C2orf78: variants seen among roughly 807,000 people sequenced by gnomAD.
C2orf78 encodes chromosome 2 open reading frame 78.
A neutral mutation model predicts 21.4 loss-of-function variants in C2orf78; 12 were observed. That is an observed-to-expected ratio of 0.56 (90% CI 0.36 to 0.91). C2orf78 has a LOEUF of 0.91. Among genes scored for constraint, C2orf78 ranks in the 40% least tolerant of loss-of-function variants. C2orf78 has a pLI of 0.01. For synonymous variants in C2orf78, 396 were observed against 413.9 expected, an observed-to-expected ratio of 0.96 and a Z score of 0.52; for missense variants, 1,042 against 1,092.4, an observed-to-expected ratio of 0.95 and a Z score of 0.65.
chr2:73,808,099 A>G (rs1244430297), intron 1 of C2orf78, among the ~76,000 whole-genome samples: 2 of 150,864 alleles, frequency 1.3e-5, no homozygotes, highest in Non-Finnish European at 2.9e-5. Flanking sequence ...CTAAAAATAC[A>G]AAAAATTAGC....
chr2:73,810,268 C>T (rs1323419691), intron 1 of C2orf78, among the ~76,000 whole-genome samples: 2 of 151,902 alleles, frequency 1.3e-5, no homozygotes, highest in African/African-American at 2.4e-5. Flanking sequence ...GGATGGCTCA[C>T]ACCTGTAATC....
At chr2:73,811,503 C>T (rs1673088562) in intron 1 of C2orf78, among the ~76,000 whole-genome samples, 1 of 152,068 alleles carries the variant, frequency 6.6e-6, no homozygotes, top group Non-Finnish European at 1.5e-5. Context: ...AAAGTAGATT[C>T]CAAGTAAAAG....
rs1427520842 is a variant in C2orf78 at position 73,784,511 on chromosome 2, G to T, written c.97+105G>T. The T allele has an allele frequency of 2.4e-3, 1,381 of 566,422 alleles. 7 individuals carry two copies. The highest frequency in any genetic ancestry group is 3.1e-3 in the Non-Finnish European group (1,001 of 324,770). The allele number at this position is 566,422 out of a possible 1,614,324, so 35.1% of individuals were successfully genotyped here. A position where few individuals can be genotyped will look rare whatever the true frequency, so the allele number is the denominator to read the frequency against. On this transcript the variant is annotated intron_variant, in intron 1 of 2. Transcript: ENST00000409561. ...CAAACAGCTTGGAATAACAGGGAAA[G>T]TATTGAAGTAGAAATCCAGAGACCT...
rs61015788 is a variant in C2orf78, at chr2:73,815,999, A to C, written c.1776A>C (p.Lys592Asn). The C allele has an allele frequency of 6.8e-3, 10,929 of 1,613,984 alleles. 518 individuals carry two copies. The African/African-American group carries it at 0.11, about 17-fold the overall frequency. The change falls in exon 3 of 3, where the codon AAA becomes AAC. Residue 592 changes from lysine (K) to asparagine (N), a missense_variant. Lys to Asn is a moderately conservative substitution (Grantham distance 94). Transcript: ENST00000409561. ...CTGAAGAGAGTAAGCAGTCAGGGAAAAAAGTCAAGGTAGAAGAGAAGCAAA... is the reference window on the plus strand; with the variant it reads ...CTGAAGAGAGTAAGCAGTCAGGGAACAAAGTCAAGGTAGAAGAGAAGCAAA...
intron 1 of C2orf78, among the ~76,000 whole-genome samples, 180 bp from the exon 2 acceptor site, chr2:73,813,297 A>G (rs138811513): frequency 6.6e-6 from 1 of 152,358 alleles, no homozygotes; most frequent in East Asian, 1.9e-4. Flanking sequence ...GTTCATCAGA[A>G]GAGGACCAAA....
At chr2:73,811,016 C>G (rs903849310) in intron 1 of C2orf78, among the ~76,000 whole-genome samples, 1 of 148,912 alleles carries the variant, frequency 6.7e-6, no homozygotes, top group Admixed American at 6.8e-5. Flanking sequence ...CCAGGCCGAG[C>G]TCGGTGGCTC....
chr2:73,814,163 G>T, exon 2 of C2orf78: 1 of 1,609,190 alleles, frequency 6.2e-7, no homozygotes, highest in African/African-American at 1.3e-5. Flanking sequence ...CCTACCACCA[G>T]TCTCTACTTC....
chr2:73,810,582 TA>T (rs1313878190), intron 1 of C2orf78, among the ~76,000 whole-genome samples: 1 of 140,630 alleles, frequency 7.1e-6, no homozygotes, highest in East Asian at 2.0e-4. Context: ...ATTTTATGTA[TA>T]TTATATATAT....
At chr2:73,815,942 C>G in exon 3 of C2orf78, 6 of 1,613,736 alleles carry the variant, frequency 3.7e-6, no homozygotes, top group Non-Finnish European at 5.1e-6. Flanking sequence ...AGGAAAAGAC[C>G]AAAGGGAACA....
At chr2:73,809,222 G>C (rs945126932) in intron 1 of C2orf78, among the ~76,000 whole-genome samples, 7 of 152,046 alleles carry the variant, frequency 4.6e-5, no homozygotes, top group African/African-American at 1.7e-4. Context: ...TTCTGAGAGT[G>C]TTCATTTCAA....
At chr2:73,810,683 T>C (rs1673066686) in intron 1 of C2orf78, among the ~76,000 whole-genome samples, 4 of 133,160 alleles carry the variant, frequency 3.0e-5, no homozygotes, top group South Asian at 4.3e-4. Context: ...TAATAAAATA[T>C]ACATATATAT....
chr2:73,816,547 C>T (rs369023859), exon 3 of C2orf78: 2 of 1,613,950 alleles, frequency 1.2e-6, no homozygotes, highest in Non-Finnish European at 1.7e-6. Context: ...CCTACCAACA[C>T]ATCTTTGACA....
chr2:73,816,340 C>G, exon 3 of C2orf78: 1 of 1,613,830 alleles, frequency 6.2e-7, no homozygotes. Flanking sequence ...ACATCTCCAT[C>G]CCACTCTGAG....
chr2:73,786,269 C>T (rs924249843), intron 1 of C2orf78, among the ~76,000 whole-genome samples: 1 of 151,540 alleles, frequency 6.6e-6, no homozygotes, highest in Non-Finnish European at 1.5e-5. Context: ...AATCCTCCTA[C>T]TTGGGAGGCT....
At chr2:73,811,361 G>T (rs1269228480) in intron 1 of C2orf78, among the ~76,000 whole-genome samples, 1 of 152,078 alleles carries the variant, frequency 6.6e-6, no homozygotes, top group Non-Finnish European at 1.5e-5. Flanking sequence ...AGAGCTGGAG[G>T]ACATGTAATT....
intron 1 of C2orf78, among the ~76,000 whole-genome samples, chr2:73,807,192 AAAG>A (rs1558539780): frequency 9.5e-6 from 1 of 105,032 alleles, no homozygotes; most frequent in East Asian, 2.5e-4. Context: ...AAAAAAAAAA[AAAG>A]AATTGTCTAT....
intron 1 of C2orf78, among the ~76,000 whole-genome samples, chr2:73,810,096 A>G (rs1371484398): frequency 6.6e-6 from 1 of 152,242 alleles, no homozygotes; most frequent in African/African-American, 2.4e-5. Flanking sequence ...TGCTTAGATC[A>G]AAGGACTAGG....
chr2:73,815,861 G>A (rs1276393811), exon 3 of C2orf78: 1 of 1,613,688 alleles, frequency 6.2e-7, no homozygotes, highest in Admixed American at 1.7e-5. Flanking sequence ...CTGTGAACAA[G>A]GCCAAGCATT....
chr2:73,807,131 A>C (rs1170371234), intron 1 of C2orf78, among the ~76,000 whole-genome samples: 1 of 139,308 alleles, frequency 7.2e-6, no homozygotes, highest in Non-Finnish European at 1.5e-5. Context: ...AAGCTAGCAG[A>C]GATCGGCCAC....
Sources: gnomAD v4.1 joint callset for allele counts (sites outside exome capture counted in the v4.1 genomes callset) on GRCh38, gnomAD v4.1.1 for gene constraint, MANE v1.5 for transcripts, NCBI Gene and HGNC (gene_info 2026-07-23, HGNC 2026-07-21) for gene names.